The following CFAP92 variants were observed in gnomAD, a reference collection of about 807,000 sequenced individuals.
The protein encoded by CFAP92 is uncharacterized protein CFAP92.
Under a neutral mutation model 106.3 loss-of-function variants are expected in CFAP92, and 86 were observed. The observed-to-expected ratio is 0.81, with a 90% CI of 0.68 to 0.97. The LOEUF (loss-of-function observed/expected upper bound fraction) is 0.97. CFAP92 is among the 50% of genes least tolerant of loss of function. The pLI is 0.00. For synonymous variants in CFAP92, 477 were observed against 506.4 expected (o/e 0.94, Z 0.78); for missense variants, 1,204 against 1,283.8 (o/e 0.94, Z 0.95).
At chr3:129,006,589 T>A (rs2107863655), upstream of CFAP92, among the ~76,000 whole-genome samples, 1 of 152,338 alleles carries the variant, frequency 6.6e-6, no homozygotes, top group East Asian at 1.9e-4. Flanking sequence ...GTGCTGGGAT[T>A]ACAGGTGTGA....
At chr3:128,926,566 C>T (rs1457335061) in intron 12 of CFAP92, among the ~76,000 whole-genome samples, 1 of 152,180 alleles carries the variant, frequency 6.6e-6, no homozygotes, top group East Asian at 1.9e-4. Context: ...TCCTCTTCAA[C>T]ACTGCACTTC....
At chr3:128,992,600 GT>G (rs1253465571) in intron 2 of CFAP92, among the ~76,000 whole-genome samples, 1 of 151,414 alleles carries the variant, frequency 6.6e-6, no homozygotes, top group Non-Finnish European at 1.5e-5. Flanking sequence ...TTTTGACAGA[GT>G]TTTGCTCTTG....
chr3:128,988,804 T>G lies in CFAP92; in HGVS notation c.377A>C (p.Asp126Ala), dbSNP rs777803724. 2 of 1,613,726 alleles carry G rather than the reference T, an allele frequency of 1.2e-6. No individual in the cohort carries two copies. Among genetic ancestry groups the G allele is most frequent in the South Asian group, 2.2e-5 (2 of 90,990 alleles). ...GTCAACTTTTTTAGGTTCTTCATCG[T>G]CCGGCAGAAGGAAATACTCAATGTG... is the stretch of plus-strand genomic sequence containing the variant. ...FYHIEYFLLP[D>A]DEEPKKVDIL... The change falls in exon 3 of 16, where the codon GAC becomes GCC. Residue 126 changes from aspartate (D) to alanine (A), a missense_variant. Physicochemically the swap from Asp to Ala is moderately radical, Grantham distance 126. Transcript: ENST00000645291.
Position 128,980,381 on chromosome 3 carries a change from A to G in CFAP92, c.668-2196T>C, listed in dbSNP as rs569647786. On this transcript the variant is annotated intron_variant, in intron 4 of 15. Transcript: ENST00000645291. The stretch of plus-strand genomic sequence containing the variant: ...GACCCTGTCTCAAAAAAAAAAAAAA[A>G]AAAAAAGCTAACACTCATCTGAGCC... Among the ~76,000 whole-genome samples, 37 of 151,806 alleles carry G rather than the reference A, an allele frequency of 2.4e-4. No homozygotes were observed. The South Asian group carries it at 7.3e-3, about 30-fold the overall frequency.
At chr3:128,943,000 A>C (rs1939811131) in intron 10 of CFAP92, among the ~76,000 whole-genome samples, 2 of 143,802 alleles carry the variant, frequency 1.4e-5, no homozygotes, top group Middle Eastern at 3.9e-3. Context: ...ACTCACTGCA[A>C]CCTCCACCTC....
chr3:128,994,808 G>A (rs1944419680), upstream of CFAP92, among the ~76,000 whole-genome samples: 1 of 152,208 alleles, frequency 6.6e-6, no homozygotes, highest in Non-Finnish European at 1.5e-5. Flanking sequence ...AGAGGGCTGG[G>A]GTAGGCCTCA....
intron 15 of CFAP92, chr3:128,912,660 T>C (rs1244505106): frequency 7.0e-7 from 1 of 1,428,046 alleles, no homozygotes; most frequent in African/African-American, 1.4e-5. Flanking sequence ...GGCCCGTTGC[T>C]GGATGACTGT....
At chr3:128,943,920 GTT>G (rs768570835) in intron 10 of CFAP92, among the ~76,000 whole-genome samples, 10,047 of 109,554 alleles carry the variant, frequency 0.092, 221 homozygotes, top group African/African-American at 0.14. Flanking sequence ...TATTTCCCCC[GTT>G]TTTTTTTTTT....
intron 12 of CFAP92, among the ~76,000 whole-genome samples, chr3:128,924,508 G>A (rs914354071): frequency 4.3e-5 from 6 of 140,620 alleles, no homozygotes; most frequent in East Asian, 2.1e-4. Flanking sequence ...GCAATGGCGC[G>A]ATCTTGGCTC....
At chr3:128,975,161 T>C (rs1943066515) in intron 7 of CFAP92, among the ~76,000 whole-genome samples, 1 of 152,132 alleles carries the variant, frequency 6.6e-6, no homozygotes, top group Admixed American at 6.6e-5. Flanking sequence ...GTAAATACTT[T>C]ATCTTTCAAG....
intron 9 of CFAP92, among the ~76,000 whole-genome samples, chr3:128,958,361 C>T (rs959643003): frequency 5.3e-5 from 8 of 152,156 alleles, no homozygotes; most frequent in Admixed American, 2.0e-4. Context: ...ATTTCTACAT[C>T]TCAAGTGCTG....
At chr3:128,955,627 G>A (rs1941307390) in intron 9 of CFAP92, among the ~76,000 whole-genome samples, 1 of 49,740 alleles carries the variant, frequency 2.0e-5, no homozygotes. Flanking sequence ...GCCCCTACTG[G>A]GAAGTGAGGA....
chr3:128,952,499 C>T (rs996204438), intron 9 of CFAP92, among the ~76,000 whole-genome samples: 1 of 151,992 alleles, frequency 6.6e-6, no homozygotes, highest in Non-Finnish European at 1.5e-5. Context: ...TGGGAAAAAC[C>T]AATGAACAGA....
rs73210689 is a variant in CFAP92, at chr3:128,983,954, G to A, written c.667+3662C>T. Among the ~76,000 whole-genome samples the A allele has an allele frequency of 6.7e-3, 1,028 of 152,350 alleles. 2 individuals carry two copies. Among genetic ancestry groups the A allele is most frequent in the Non-Finnish European group, 0.011 (747 of 68,032 alleles). ...AGGGGAGACAGAGAAAGGCCAGGCC[G>A]GCAGGAGAGAGGAGGGGGAACAAAC... is the stretch of plus-strand genomic sequence containing the variant. On this transcript the variant is annotated intron_variant, in intron 4 of 15. Coordinates refer to ENST00000645291, the MANE Select transcript of CFAP92 (RefSeq NM_001394090.1).
intron 4 of CFAP92, 21 bp from the exon 5 acceptor site, chr3:128,978,206 G>A: frequency 6.2e-7 from 1 of 1,607,400 alleles, no homozygotes; most frequent in African/African-American, 1.3e-5. Flanking sequence ...GGAGAAGAAA[G>A]GATCATTGAC....
intron 9 of CFAP92, among the ~76,000 whole-genome samples, chr3:128,956,695 T>C (rs1941452903): frequency 6.6e-6 from 1 of 151,256 alleles, no homozygotes; most frequent in Non-Finnish European, 1.5e-5. Flanking sequence ...AAAAAAAAAA[T>C]CCAGCCAGGC....
At chr3:128,998,373 C>A (rs141869415), upstream of CFAP92, among the ~76,000 whole-genome samples, 3 of 152,080 alleles carry the variant, frequency 2.0e-5, no homozygotes, top group African/African-American at 7.2e-5. Flanking sequence ...CTTTGACTAA[C>A]AACAGGCCTA....
At chr3:128,956,928 C>T (rs1427067894) in intron 9 of CFAP92, among the ~76,000 whole-genome samples, 2 of 136,322 alleles carry the variant, frequency 1.5e-5, no homozygotes, top group African/African-American at 5.7e-5. Flanking sequence ...TGCAGTGAGC[C>T]AACATCATGC....
intron 9 of CFAP92, among the ~76,000 whole-genome samples, chr3:128,963,680 TC>T (rs1942132155): frequency 6.7e-6 from 1 of 149,876 alleles, no homozygotes; most frequent in Non-Finnish European, 1.5e-5. Context: ...TGACGGCAGT[TC>T]CACCAGGCCT....
Sources: gnomAD v4.1 joint callset for allele counts (sites outside exome capture counted in the v4.1 genomes callset) on GRCh38, gnomAD v4.1.1 for gene constraint, MANE v1.5 for transcripts, NCBI Gene and HGNC (gene_info 2026-07-23, HGNC 2026-07-21) for gene names.